Variants in CFAP44 observed in about 807,000 individuals in gnomAD.
CFAP44 encodes cilia and flagella associated protein 44.
In CFAP44, 134 loss-of-function variants were observed where a neutral mutation model predicts 216.2. That is an observed-to-expected ratio of 0.62 (90% CI 0.54 to 0.72). CFAP44 has a LOEUF of 0.72. CFAP44 is among the 30% of genes least tolerant of loss of function. The pLI, the probability that CFAP44 is intolerant of heterozygous loss-of-function variation, is 0.00. For synonymous variants in CFAP44, 700 were observed against 727.6 expected (o/e 0.96, Z 0.61); for missense variants, 2,035 against 2,182.1 (o/e 0.93, Z 1.34).
intron 6 of CFAP44, among the ~76,000 whole-genome samples, chr3:113,413,927 T>C (rs1438048392): frequency 3.3e-5 from 5 of 152,236 alleles, no homozygotes; most frequent in African/African-American, 7.2e-5. Flanking sequence ...GGGAATAGCA[T>C]TGAATCTATA....
rs138633846 is a variant in CFAP44, at chr3:113,289,601, T to G, written c.*1956A>C. ...ACTCTCTCCAGGCAGCTGCTTCTTG[T>G]GGCTGCCAGCTCCCACGAAGGCCCC... On this transcript the variant is annotated 3_prime_UTR_variant, in exon 35 of 35. Transcript: ENST00000393845. 1 of 152,396 alleles carries G rather than the reference T, an allele frequency of 6.6e-6. No homozygotes were observed. Among genetic ancestry groups the G allele is most frequent in the Non-Finnish European group, 1.5e-5 (1 of 68,076 alleles). 9.4% of individuals were successfully genotyped at this position (152,396 alleles called of 1,614,324 possible).
intron 28 of CFAP44, among the ~76,000 whole-genome samples, chr3:113,324,038 G>A (rs761033149): frequency 1.1e-4 from 13 of 113,336 alleles, no homozygotes; most frequent in African/African-American, 4.1e-4. Flanking sequence ...GCAAGACTCC[G>A]TCTCAAAAAA....
intron 17 of CFAP44, among the ~76,000 whole-genome samples, chr3:113,374,793 T>C (rs6780604): frequency 0.083 from 12,600 of 152,100 alleles, 636 homozygotes; most frequent in East Asian, 0.15. Flanking sequence ...AGCCACTCCG[T>C]CCACCTAATT....
At chr3:113,323,571 C>T (rs1001566000) in intron 28 of CFAP44, among the ~76,000 whole-genome samples, 1 of 152,002 alleles carries the variant, frequency 6.6e-6, no homozygotes, top group Non-Finnish European at 1.5e-5. Flanking sequence ...ACATATACCG[C>T]CTGTATCTAA....
chr3:113,362,939 T>G, intron 21 of CFAP44: 1 of 1,295,754 alleles, frequency 7.7e-7, no homozygotes. Context: ...TAAAACAATT[T>G]GTGTCAACAA....
intron 28 of CFAP44, among the ~76,000 whole-genome samples, chr3:113,316,804 G>T (rs1003590681): frequency 2.0e-5 from 3 of 151,488 alleles, no homozygotes; most frequent in Non-Finnish European, 4.4e-5. Context: ...GGGAGGCGGA[G>T]GTTGCAGTGA....
At chr3:113,371,935 C>T (rs1933180522) in intron 18 of CFAP44, among the ~76,000 whole-genome samples, 1 of 152,188 alleles carries the variant, frequency 6.6e-6, no homozygotes, top group African/African-American at 2.4e-5. Flanking sequence ...ACAGACACTT[C>T]TCAATAGAAG....
At chr3:113,330,062 A>G in intron 26 of CFAP44, 106 bp downstream of exon 26, 1 of 1,362,924 alleles carries the variant, frequency 7.3e-7, no homozygotes, top group Non-Finnish European at 9.6e-7. Context: ...GGGTTTGGGA[A>G]AGGTTCATGC....
At chr3:113,311,314 G>A (rs922109243) in intron 28 of CFAP44, among the ~76,000 whole-genome samples, 4 of 152,198 alleles carry the variant, frequency 2.6e-5, no homozygotes, top group African/African-American at 9.7e-5. Context: ...ATCTTGAATT[G>A]TACTCCAATA....
chr3:113,353,922 C>A (rs1456323536), intron 22 of CFAP44, among the ~76,000 whole-genome samples: 1 of 152,138 alleles, frequency 6.6e-6, no homozygotes. Context: ...GAATAATCCA[C>A]AGATCTCACA....
In CFAP44 at chr3:113,350,193, G is replaced by GA. The variant is rs566232960; in HGVS notation, c.3066-5482dup. On this transcript the variant is annotated intron_variant, in intron 22 of 34. Transcript: ENST00000393845. ...AGAGAGGAAAGAGAGAGAGAGAGAGGAAGAGACAGAGAGACAAAGACAGAG... is the reference window on the plus strand; with the variant it reads ...AGAGAGGAAAGAGAGAGAGAGAGAGGAAAGAGACAGAGAGACAAAGACAGAG... Among the ~76,000 whole-genome samples, 363 of 148,534 alleles carry GA rather than the reference G, an allele frequency of 2.4e-3. 3 individuals are homozygous for GA. The highest frequency in any genetic ancestry group is 8.6e-3 in the African/African-American group (354 of 41,076).
At chr3:113,397,892 G>A (rs573207238) in intron 13 of CFAP44, among the ~76,000 whole-genome samples, 1 of 152,152 alleles carries the variant, frequency 6.6e-6, no homozygotes, top group East Asian at 1.9e-4. Flanking sequence ...CACGGAGTTC[G>A]AGGTCCCCTT....
intron 1 of CFAP44, 58 bp downstream of exon 1, chr3:113,441,395 A>T: frequency 1.0e-6 from 1 of 985,798 alleles, no homozygotes; most frequent in Non-Finnish European, 1.2e-6. Flanking sequence ...CTGCCCTCTG[A>T]GCCACAGATT....
At chr3:113,315,449 T>A (rs888522558) in intron 28 of CFAP44, among the ~76,000 whole-genome samples, 7 of 151,842 alleles carry the variant, frequency 4.6e-5, no homozygotes, top group Non-Finnish European at 1.0e-4. Context: ...CTGATAGAAA[T>A]AAAAGAAGAA....
At chr3:113,355,780 A>G (rs1950487417) in intron 22 of CFAP44, among the ~76,000 whole-genome samples, 1 of 151,930 alleles carries the variant, frequency 6.6e-6, no homozygotes, top group Non-Finnish European at 1.5e-5. Flanking sequence ...AAAAAAAAAA[A>G]GTTACAAAAA....
At position 113,429,193 on chromosome 3, in the gene CFAP44, A is replaced by G. The variant is rs529150480; in HGVS notation, c.101-1854T>C. ...AATGGTAGGCATGTATACTTTGGCT[A>G]TTATGAAGTAACTAGTACTAAGCTG... On this transcript the variant is annotated intron_variant, in intron 2 of 34. Transcript: ENST00000393845. 2.6e-5 allele frequency: 4 copies of G among 152,316 alleles called. No homozygotes were observed. The East Asian group carries it at 7.7e-4, about 29-fold the overall frequency. The allele number at this position is 152,316 out of a possible 1,614,324, so 9.4% of individuals were successfully genotyped here.
intron 6 of CFAP44, among the ~76,000 whole-genome samples, chr3:113,410,834 A>G (rs912885569): frequency 1.3e-5 from 2 of 151,002 alleles, no homozygotes; most frequent in Non-Finnish European, 3.0e-5. Flanking sequence ...TTTAATGATC[A>G]CCATTCTAAC....
intron 7 of CFAP44, 147 bp from the exon 8 acceptor site, chr3:113,407,188 A>G (rs1007854089): frequency 1.5e-6 from 1 of 688,312 alleles, no homozygotes; most frequent in African/African-American, 1.8e-5. Flanking sequence ...TTAAGTATCT[A>G]CTACCTGCCC....
Position 113,426,204 on chromosome 3 carries a change from G to T in CFAP44, c.327C>A (p.Phe109Leu). ...EEVKKKISES[F>L]FYDYMELASM... ...AAGCAAGCTCCATATAATCATAGAAGAAGCTCTCTGATATTTTCTTCTTAA... is the reference window on the plus strand; with the variant it reads ...AAGCAAGCTCCATATAATCATAGAATAAGCTCTCTGATATTTTCTTCTTAA... The change falls in exon 4 of 35, where the codon TTC (phenylalanine) becomes TTA (leucine). Residue 109 changes from phenylalanine (F) to leucine (L), a missense_variant. Physicochemically the swap from Phe to Leu is conservative, Grantham distance 22. Around this residue, in one of 3 missense-constraint regions of CFAP44, gnomAD observed 149 missense variants for 141.8 expected, o/e 1.05. Transcript: ENST00000393845. The T allele has an allele frequency of 1.2e-6, 2 of 1,614,132 alleles. No homozygotes were observed. Among genetic ancestry groups the T allele is most frequent in the East Asian group, 2.2e-5 (1 of 44,884 alleles).
Sources: allele counts gnomAD v4.1 joint callset (sites outside exome capture counted in the v4.1 genomes callset), GRCh38; gene constraint gnomAD v4.1.1; regional missense constraint gnomAD v4.1.1; transcripts MANE v1.5; gene names NCBI Gene and HGNC (gene_info 2026-07-23, HGNC 2026-07-21).